FLCN: variants seen among roughly 807,000 people sequenced by gnomAD.
FLCN encodes folliculin.
A neutral mutation model predicts 62.5 loss-of-function variants in FLCN; 22 were observed. The observed-to-expected ratio is 0.35, with a 90% CI of 0.25 to 0.50. The LOEUF is 0.50. FLCN is among the 20% of genes least tolerant of loss of function. The pLI, the probability that FLCN is intolerant of heterozygous loss-of-function variation, is 0.97. For missense variants in FLCN, 657 were observed against 778.0 expected, an observed-to-expected ratio of 0.84 and a Z score of 1.85; for synonymous variants, 319 against 310.0, an observed-to-expected ratio of 1.03 and a Z score of -0.30.
In FLCN at chr17:17,216,057, G is replaced by C. The variant is rs1314161772; in HGVS notation, c.1300+323C>G. On this transcript the variant is annotated intron_variant, in intron 11 of 13. Coordinates refer to ENST00000285071, the MANE Select transcript of FLCN (RefSeq NM_144997.7). This position sits in a 1 kb window ranked among gnomAD's most constrained non-coding sequence, Gnocchi z 4.0. ...CACAGAAGCAGGCAGCTCACACCCA[G>C]CATTCAGCAGGCCTCCATCTCATAG... 6.6e-6 allele frequency among the ~76,000 whole-genome samples: 1 copy of C among 152,142 alleles called. No homozygotes were observed. The highest frequency in any genetic ancestry group is 1.5e-5 in the Non-Finnish European group (1 of 68,012).
rs113071228 is a variant in FLCN at position 17,227,715 on chromosome 17, A to C, written c.249+174T>G. On this transcript the variant is annotated intron_variant, in intron 4 of 13. Transcript: ENST00000285071. The stretch of plus-strand genomic sequence containing the variant: ...AATAAGAGCAAAACTCTGTCTCAAA[A>C]AAAACAAAACAAAACAAAACAAAAG... Among the ~76,000 whole-genome samples the C allele has an allele frequency of 4.9e-3, 752 of 152,286 alleles. 5 individuals carry two copies. The highest frequency in any genetic ancestry group is 0.017 in the African/African-American group (688 of 41,568).
rs2047127597 is a variant in FLCN, at chr17:17,222,596, T to A, written c.684A>T (p.Pro228=). The A allele has an allele frequency of 6.2e-7, 1 of 1,614,104 alleles. No homozygotes were observed. Among genetic ancestry groups the A allele is most frequent in the Admixed American group, 1.7e-5 (1 of 60,010 alleles). The change falls in exon 7 of 14, where the codon CCA becomes CCT. Residue 228 remains proline, a synonymous_variant. Transcript: ENST00000285071. ...CGTTGCCGTTCCTCTGGTGTAGGAA[T>A]GGCGTGAAGGCTGTGTTCATCCTCT... ...RAQRMNTAFT[P]FLHQRNGNAA...
intron 1 of FLCN, chr17:17,235,464 A>C (rs750880752): frequency 1.3e-5 from 2 of 152,180 alleles, no homozygotes; most frequent in Non-Finnish European, 2.9e-5. Context: ...AAAGAAAGAA[A>C]GAAAGAAAGA....
chr17:17,221,465 A>G, intron 8 of FLCN, 72 bp downstream of exon 8: 2 of 1,614,016 alleles, frequency 1.2e-6, no homozygotes, highest in Non-Finnish European at 1.7e-6. Flanking sequence ...GATTCCTGCC[A>G]GGAGAGCAGA....
At chr17:17,220,948 CAT>C (rs536272458) in intron 8 of FLCN, 259 of 340,874 alleles carry the variant, frequency 7.6e-4, no homozygotes, top group African/African-American at 5.2e-3. Context: ...TTATTAATGA[CAT>C]GTGGTGTGGA....
rs768940625 is a variant in FLCN, at chr17:17,219,088, A to G, written c.993T>C (p.Ser331=). 4 of 1,614,134 alleles carry G rather than the reference A, an allele frequency of 2.5e-6. No homozygotes were observed. The South Asian group carries it at 4.4e-5, about 18-fold the overall frequency. ...GCTGCCAGCTCCCACAGCCTGAGAGAGAGGAGGACTCTGCCGGGCCCTGGG... is the reference window on the plus strand; with the variant it reads ...GCTGCCAGCTCCCACAGCCTGAGAGGGAGGAGGACTCTGCCGGGCCCTGGG... ...ELTQGPAESS[S]LSGCGSWQPR... Residue 331 remains serine (S), a synonymous_variant, in exon 9 of 14, where the codon TCT becomes TCC. Coordinates refer to ENST00000285071, the MANE Select transcript of FLCN (RefSeq NM_144997.7).
At position 17,213,462 on chromosome 17, in the gene FLCN, C is replaced by T. The variant is rs144507152; in HGVS notation, c.*193G>A. Reference sequence around the variant, plus strand: ...TCATTGCCATCTTCAGCGATTCCAACGGCTGGAGGGAGAGTCTGGGAAGCA... The same window carrying T: ...TCATTGCCATCTTCAGCGATTCCAATGGCTGGAGGGAGAGTCTGGGAAGCA... On this transcript the variant is annotated 3_prime_UTR_variant, in exon 14 of 14. Transcript: ENST00000285071. The T allele has an allele frequency of 2.0e-5, 14 of 694,276 alleles. No individual in the cohort carries two copies. In the East Asian group the frequency reaches 2.4e-4, roughly 12 times the overall value. 43.0% of individuals were successfully genotyped at this position (694,276 alleles called of 1,614,324 possible).
chr17:17,217,446 C>A (rs1488934966), intron 9 of FLCN: 1 of 532,718 alleles, frequency 1.9e-6, no homozygotes, highest in East Asian at 3.3e-5. Context: ...AAATTTGAAG[C>A]AAAAAGATGT....
In FLCN at chr17:17,213,000, C is replaced by G; in HGVS notation, c.*655G>C. The G allele has an allele frequency of 8.4e-6, 2 of 239,374 alleles. No homozygotes were observed. The highest frequency in any genetic ancestry group is 1.2e-4 in the East Asian group (2 of 16,754). The allele number at this position is 239,374 out of a possible 1,614,324, so 14.8% of individuals were successfully genotyped here. ...TGTCTTGTGCAAAAATGATCAGGGA[C>G]TCCATCATTAAGCCCCAGGTTACCT... On this transcript the variant is annotated 3_prime_UTR_variant, in exon 14 of 14. Transcript: ENST00000285071.
chr17:17,215,377 T>C, intron 11 of FLCN, 61 bp from the exon 12 acceptor site: 1 of 1,602,828 alleles, frequency 6.2e-7, no homozygotes, highest in South Asian at 1.1e-5. Context: ...TCCCCTGCGC[T>C]AGCCCACCGT....
chr17:17,219,488 T>C (rs1285999842), intron 8 of FLCN: 1 of 415,992 alleles, frequency 2.4e-6, no homozygotes, highest in Non-Finnish European at 4.5e-6. Flanking sequence ...GTAAGAAAAA[T>C]GCCAACAGCG....
intron 3 of FLCN, among the ~76,000 whole-genome samples, chr17:17,230,036 G>C (rs887924374): frequency 1.3e-5 from 2 of 152,146 alleles, no homozygotes; most frequent in African/African-American, 4.8e-5. Context: ...TTTAAAATGG[G>C]GGTGTGTCAT....
At position 17,222,599 on chromosome 17, in the gene FLCN, C is replaced by T. The variant is rs781035304; in HGVS notation, c.681G>A (p.Thr227=). The T allele has an allele frequency of 4.3e-6, 7 of 1,614,076 alleles. No homozygotes were observed. The highest frequency in any genetic ancestry group is 2.7e-5 in the African/African-American group (2 of 74,912). ...QRAQRMNTAF[T]PFLHQRNGNA... is the part of the protein sequence containing the mutation. ...TGCCGTTCCTCTGGTGTAGGAATGG[C>T]GTGAAGGCTGTGTTCATCCTCTGAG... is the stretch of plus-strand genomic sequence containing the variant. Residue 227 remains threonine, a synonymous_variant, in exon 7 of 14, where the codon ACG becomes ACA. Transcript: ENST00000285071.
chr17:17,222,210 G>A (rs1427752926), intron 7 of FLCN, among the ~76,000 whole-genome samples: 6 of 151,964 alleles, frequency 3.9e-5, no homozygotes, highest in African/African-American at 1.5e-4. Context: ...GGTGACAGGC[G>A]CCTGTAATCC....
Position 17,225,992 on chromosome 17 carries a change from A to C in FLCN, c.396+184T>G, listed in dbSNP as rs1339944991. On this transcript the variant is annotated intron_variant, in intron 5 of 13. Coordinates refer to ENST00000285071, the MANE Select transcript of FLCN (RefSeq NM_144997.7). The stretch of plus-strand genomic sequence containing the variant: ...TCAGAAAATGCTCAGCAAGTCCAAC[A>C]TGACTCCTCCCGCAATTCTGGACAA... 7 of 814,804 alleles carry C rather than the reference A, an allele frequency of 8.6e-6. No individual in the cohort carries two copies. The East Asian group carries it at 1.6e-4, about 19-fold the overall frequency. 50.5% of individuals were successfully genotyped at this position (814,804 alleles called of 1,614,324 possible). A position where few individuals can be genotyped will look rare whatever the true frequency, so the allele number is the denominator to read the frequency against.
intron 4 of FLCN, among the ~76,000 whole-genome samples, 191 bp downstream of exon 4, chr17:17,227,698 C>CA (rs957937452): frequency 6.6e-6 from 1 of 152,048 alleles, no homozygotes; most frequent in African/African-American, 2.4e-5. Flanking sequence ...GCAATAAGAG[C>CA]AAAACTCTGT....
rs1288802432 is a variant in FLCN, at chr17:17,223,951, T to C, written c.589A>G (p.Ile197Val). ...AGCGCCTTGCCCTGGAGCTCATCGA[T>C]GATTCCCCGGACCTTCCCCAGCAGG... ...PFLLGKVRGI[I>V]DELQGKALKV... is the part of the protein sequence containing the mutation. Residue 197 changes from isoleucine (I) to valine (V), a missense_variant, in exon 6 of 14, where the codon ATC becomes GTC. By Grantham distance (29) the Ile-to-Val change is conservative. Transcript: ENST00000285071. 6.2e-7 allele frequency: 1 copy of C among 1,613,322 alleles called. No individual in the cohort carries two copies. Among genetic ancestry groups the C allele is most frequent in the East Asian group, 2.2e-5 (1 of 44,900 alleles).
intron 1 of FLCN, among the ~76,000 whole-genome samples, chr17:17,234,267 A>C (rs1420474765): frequency 6.8e-6 from 1 of 147,000 alleles, no homozygotes; most frequent in African/African-American, 2.5e-5. Context: ...GCTGGAGTGC[A>C]GTGCAGCAAT....
At chr17:17,234,437 C>G (rs2047522260) in intron 1 of FLCN, among the ~76,000 whole-genome samples, 1 of 151,268 alleles carries the variant, frequency 6.6e-6, no homozygotes, top group Non-Finnish European at 1.5e-5. Flanking sequence ...GTCTTGAACT[C>G]CTGACCTCAG....
Sources: allele counts gnomAD v4.1 joint callset (sites outside exome capture counted in the v4.1 genomes callset), GRCh38; gene constraint gnomAD v4.1.1; non-coding constraint Gnocchi (gnomAD v3.1); transcripts MANE v1.5; gene names NCBI Gene and HGNC (gene_info 2026-07-23, HGNC 2026-07-21).